Variants in TRAF3 observed in about 807,000 individuals in gnomAD.
TRAF3 encodes the protein TNF receptor-associated factor 3.
Under a neutral mutation model 62.3 loss-of-function variants are expected in TRAF3, and 13 were observed. That is an observed-to-expected ratio of 0.21 (90% CI 0.14 to 0.33). The LOEUF (loss-of-function observed/expected upper bound fraction) is 0.33. Among genes scored for constraint, TRAF3 ranks in the 10% least tolerant of loss-of-function variants. TRAF3 has a pLI of 1.00. For missense variants in TRAF3, 440 were observed against 741.8 expected (o/e 0.59, Z 4.73); for synonymous variants, 269 against 283.4 (o/e 0.95, Z 0.51).
intron 6 of TRAF3, among the ~76,000 whole-genome samples, chr14:102,883,936 CATAG>C (rs1211771135): frequency 2.0e-5 from 3 of 152,108 alleles, no homozygotes; most frequent in Admixed American, 1.3e-4. Flanking sequence ...CATTTAATTT[CATAG>C]ATAGGACTGA....
intron 1 of TRAF3, among the ~76,000 whole-genome samples, chr14:102,807,451 C>T (rs1898844122): frequency 6.6e-6 from 1 of 152,216 alleles, no homozygotes; most frequent in Non-Finnish European, 1.5e-5. Flanking sequence ...GTGTCCCTTT[C>T]TACTAGCCAT....
chr14:102,790,790 T>A (rs1485058501), intron 1 of TRAF3, among the ~76,000 whole-genome samples: 1 of 152,204 alleles, frequency 6.6e-6, no homozygotes, highest in Non-Finnish European at 1.5e-5. Flanking sequence ...AGTTTTGAAG[T>A]AGTAAGTTTG....
At chr14:102,844,019 T>C (rs1322584531) in intron 2 of TRAF3, among the ~76,000 whole-genome samples, 2 of 152,248 alleles carry the variant, frequency 1.3e-5, no homozygotes, top group East Asian at 1.9e-4. Flanking sequence ...TCTTTCAAAA[T>C]GTAACTTAAC....
chr14:102,889,434 T>C (rs951629103), intron 7 of TRAF3, 126 bp from the exon 8 acceptor site: 5 of 946,704 alleles, frequency 5.3e-6, no homozygotes, highest in South Asian at 2.6e-5. Flanking sequence ...GCAGATGATA[T>C]ATACACACCT....
rs1031207912 is a variant in TRAF3 at position 102,855,501 on chromosome 14, TA to T, written c.-17-14677del. ...CCTAACACTTGTTATTTTCCTTTTTTAAAAAAATTATAGGCCAGGCGCAGTG... is the reference window on the plus strand; with the variant it reads ...CCTAACACTTGTTATTTTCCTTTTTTAAAAAATTATAGGCCAGGCGCAGTG... On this transcript the variant is annotated intron_variant, in intron 2 of 11. Transcript: ENST00000392745. Among the ~76,000 whole-genome samples the T allele has an allele frequency of 3.9e-5, 6 of 152,096 alleles. No individual in the cohort carries two copies. In the South Asian group the frequency reaches 8.3e-4, roughly 21 times the overall value.
chr14:102,843,086 C>T (rs997980047), intron 2 of TRAF3, among the ~76,000 whole-genome samples: 2 of 151,528 alleles, frequency 1.3e-5, no homozygotes, highest in African/African-American at 4.8e-5. Context: ...GCCTGTAATC[C>T]CAGCTACTCA....
rs1171168292 is a variant in TRAF3, at chr14:102,903,771, G to A, written c.1135+342G>A. 1 of 497,122 alleles carries A rather than the reference G, an allele frequency of 2.0e-6. No individual in the cohort carries two copies. The highest frequency in any genetic ancestry group is 3.9e-6 in the Non-Finnish European group (1 of 253,838). 30.8% of individuals were successfully genotyped at this position (497,122 alleles called of 1,614,324 possible). ...GCGCAGATGGCAGAGGCCAGGACCT[G>A]CTGGTCGGGGCGCCCCAGACCCCAC... On this transcript the variant is annotated intron_variant, in intron 11 of 11. Coordinates refer to ENST00000392745, the MANE Select transcript of TRAF3 (RefSeq NM_145725.3). This position sits in a 1 kb window ranked among gnomAD's most constrained non-coding sequence, Gnocchi z 6.4.
At chr14:102,887,599 C>CTT (rs931159273) in intron 7 of TRAF3, among the ~76,000 whole-genome samples, 1 of 146,528 alleles carries the variant, frequency 6.8e-6, no homozygotes, top group Non-Finnish European at 1.5e-5. Flanking sequence ...GAAATAATTT[C>CTT]TTTTTTTTTT....
chr14:102,811,992 G>A (rs1214317790), intron 1 of TRAF3, among the ~76,000 whole-genome samples: 1 of 123,034 alleles, frequency 8.1e-6, no homozygotes, highest in East Asian at 2.7e-4. Flanking sequence ...CAAACTCCTG[G>A]CCTCAAGTGG....
At chr14:102,889,174 C>A (rs1465189762) in intron 7 of TRAF3, among the ~76,000 whole-genome samples, 1 of 152,160 alleles carries the variant, frequency 6.6e-6, no homozygotes, top group Admixed American at 6.6e-5. Context: ...GACCCAGTTG[C>A]ATTCTGAATG....
intron 1 of TRAF3, among the ~76,000 whole-genome samples, chr14:102,820,733 C>T (rs1375395166): frequency 2.8e-5 from 4 of 144,736 alleles, no homozygotes; most frequent in South Asian, 4.4e-4. Flanking sequence ...TGGGCTCAAG[C>T]GATCCCCCAC....
chr14:102,811,757 G>GTGTT (rs1555367667), intron 1 of TRAF3, among the ~76,000 whole-genome samples: 6 of 144,264 alleles, frequency 4.2e-5, no homozygotes, highest in African/African-American at 1.5e-4. Context: ...GTGTGTGTGT[G>GTGTT]TGTGTTTGTA....
chr14:102,843,202 CAAAAA>C (rs982973118), intron 2 of TRAF3, among the ~76,000 whole-genome samples: 2 of 131,462 alleles, frequency 1.5e-5, no homozygotes, highest in African/African-American at 2.8e-5. Flanking sequence ...GACTCCATCT[CAAAAA>C]AAAAAACCCA....
At chr14:102,781,645 G>T (rs1046311789) in intron 1 of TRAF3, among the ~76,000 whole-genome samples, 1 of 152,052 alleles carries the variant, frequency 6.6e-6, no homozygotes, top group Non-Finnish European at 1.5e-5. Flanking sequence ...TATTTTATTT[G>T]AAACAGGGGC....
chr14:102,782,150 A>G lies in TRAF3; in HGVS notation c.-157+4475A>G, dbSNP rs146429858. Among the ~76,000 whole-genome samples, 815 of 151,768 alleles carry G rather than the reference A, an allele frequency of 5.4e-3. 6 individuals carry two copies. Among genetic ancestry groups the G allele is most frequent in the Admixed American group, 9.7e-3 (148 of 15,238 alleles). On this transcript the variant is annotated intron_variant, in intron 1 of 11. Transcript: ENST00000392745. Reference sequence around the variant, plus strand: ...GACAGGGTTTCGCCATGTTGGCCAGACTGGTCTTGAACTCCTGACCTCAGG... The same window carrying G: ...GACAGGGTTTCGCCATGTTGGCCAGGCTGGTCTTGAACTCCTGACCTCAGG...
intron 1 of TRAF3, among the ~76,000 whole-genome samples, chr14:102,808,461 C>T (rs550156780): frequency 2.5e-4 from 38 of 150,816 alleles, no homozygotes; most frequent in Non-Finnish European, 4.9e-4. Context: ...TGAAGTGAGC[C>T]GAGATTGTGC....
chr14:102,880,572 C>T (rs2139885220), intron 6 of TRAF3, among the ~76,000 whole-genome samples: 1 of 152,218 alleles, frequency 6.6e-6, no homozygotes, highest in Admixed American at 6.5e-5. Context: ...GATCTAGAGG[C>T]AGAAATAACA....
intron 1 of TRAF3, among the ~76,000 whole-genome samples, chr14:102,817,007 T>C (rs1246358418): frequency 6.6e-6 from 1 of 152,090 alleles, no homozygotes; most frequent in Non-Finnish European, 1.5e-5. Context: ...AGGGGGTCCT[T>C]TATGATCTAA....
intron 10 of TRAF3, among the ~76,000 whole-genome samples, chr14:102,900,394 G>A (rs1341070890): frequency 2.0e-5 from 3 of 152,168 alleles, no homozygotes; most frequent in Admixed American, 6.5e-5. Context: ...CCAGCTACTC[G>A]GGAGGCTGAG....
Sources: gnomAD v4.1 joint callset for allele counts (sites outside exome capture counted in the v4.1 genomes callset) on GRCh38, gnomAD v4.1.1 for gene constraint, Gnocchi (gnomAD v3.1) non-coding constraint, MANE v1.5 for transcripts, NCBI Gene and HGNC (gene_info 2026-07-23, HGNC 2026-07-21) for gene names.